LCMT1: variants seen among roughly 807,000 people sequenced by gnomAD.
The protein encoded by LCMT1 is [Phosphatase 2A protein]-leucine-carboxy methyltransferase 1.
Under a neutral mutation model 47.7 loss-of-function variants are expected in LCMT1, and 32 were observed. The observed-to-expected ratio is 0.67, with a 90% CI of 0.51 to 0.90. The LOEUF is 0.90. Among genes scored for constraint, LCMT1 ranks in the 40% least tolerant of loss-of-function variants. The pLI, the probability that LCMT1 is intolerant of heterozygous loss-of-function variation, is 0.00. For missense variants in LCMT1, 375 were observed against 415.2 expected (o/e 0.90, Z 0.84); for synonymous variants, 152 against 149.7 (o/e 1.02, Z -0.11).
At chr16:25,154,017 T>C (rs114797109) in intron 5 of LCMT1, among the ~76,000 whole-genome samples, 2,849 of 152,172 alleles carry the variant, frequency 0.019, 95 homozygotes, top group African/African-American at 0.064. Flanking sequence ...TTTTATTTTA[T>C]TTTATTTTTT....
chr16:25,146,047 G>C (rs1158922444), intron 4 of LCMT1: 1 of 152,236 alleles, frequency 6.6e-6, no homozygotes, highest in Non-Finnish European at 1.5e-5. Context: ...CAGCAATGGA[G>C]TAGGACATTC....
intron 4 of LCMT1, 78 bp from the exon 5 acceptor site, chr16:25,151,476 T>C (rs1961077987): frequency 8.3e-7 from 1 of 1,211,880 alleles, no homozygotes; most frequent in African/African-American, 1.5e-5. Flanking sequence ...AGTGTCTGCA[T>C]TTGTGCAGTA....
intron 1 of LCMT1, among the ~76,000 whole-genome samples, chr16:25,120,741 TTTTTTTTTTTG>T (rs1959953179): frequency 1.4e-5 from 2 of 145,298 alleles, no homozygotes; most frequent in African/African-American, 5.3e-5. Context: ...GTTTTTTTGT[TTTTTTTTTTTG>T]TTTTTTTTTT....
chr16:25,153,418 G>T (rs1961138402), intron 5 of LCMT1, among the ~76,000 whole-genome samples: 1 of 152,236 alleles, frequency 6.6e-6, no homozygotes, highest in Non-Finnish European at 1.5e-5. Flanking sequence ...AGGTAGAAAG[G>T]CAAGAGAGCA....
chr16:25,178,000 G>A lies in LCMT1; in HGVS notation c.983-1G>A, dbSNP rs754674246. ...TGGTGTCTGTGTGTCTCTCCCCTCA[G>A]GGCTGAAGGAGATAACTTATTAATC... On this transcript the variant is annotated splice_acceptor_variant, in intron 10 of 10. Coordinates refer to ENST00000399069, the MANE Select transcript of LCMT1 (RefSeq NM_016309.3). LOFTEE classifies it high-confidence loss of function. 3.1e-6 allele frequency: 5 copies of A among 1,613,824 alleles called. No homozygotes were observed. The South Asian group carries it at 4.4e-5, about 14-fold the overall frequency.
chr16:25,124,070 C>T (rs961767004), intron 1 of LCMT1, among the ~76,000 whole-genome samples: 2 of 152,154 alleles, frequency 1.3e-5, no homozygotes, highest in Admixed American at 1.3e-4. Context: ...AGTAGCTTTG[C>T]TCCAGGAGGG....
At chr16:25,165,698 G>A (rs983355650) in intron 7 of LCMT1, among the ~76,000 whole-genome samples, 1 of 151,636 alleles carries the variant, frequency 6.6e-6, no homozygotes, top group African/African-American at 2.4e-5. Flanking sequence ...TGTATTTTTA[G>A]TAGAGATGGG....
chr16:25,163,971 T>C (rs1004619602), intron 6 of LCMT1, among the ~76,000 whole-genome samples: 1 of 152,130 alleles, frequency 6.6e-6, no homozygotes, highest in Non-Finnish European at 1.5e-5. Flanking sequence ...CTGCTTGTGG[T>C]TGGGTTTAGC....
At chr16:25,129,497 C>A (rs1030423811) in intron 2 of LCMT1, among the ~76,000 whole-genome samples, 3 of 152,162 alleles carry the variant, frequency 2.0e-5, no homozygotes, top group African/African-American at 7.2e-5. Context: ...GTGTTTGAAG[C>A]CCATTTAAAT....
rs576652471 is a variant in LCMT1 at position 25,161,384 on chromosome 16, T to G, written c.569+180T>G. The stretch of plus-strand genomic sequence containing the variant: ...CTTTTTTTTTTTTTTGAGGTGGAGT[T>G]TTGCTCTTGTTGCCCAGGCTGAGTG... On this transcript the variant is annotated intron_variant, in intron 6 of 10. Transcript: ENST00000399069. 5.9e-5 allele frequency among the ~76,000 whole-genome samples: 9 copies of G among 152,030 alleles called. No homozygotes were observed. In the East Asian group the frequency reaches 1.7e-3, roughly 29 times the overall value.
intron 1 of LCMT1, among the ~76,000 whole-genome samples, chr16:25,117,873 A>T (rs1959848690): frequency 1.3e-5 from 2 of 151,356 alleles, no homozygotes; most frequent in Non-Finnish European, 2.9e-5. Flanking sequence ...AAAAAATTTG[A>T]CATCATCTTG....
intron 4 of LCMT1, chr16:25,142,321 GC>G (rs1960718605): frequency 6.6e-6 from 1 of 152,232 alleles, no homozygotes; most frequent in Non-Finnish European, 1.5e-5. Context: ...TTCAAAGTAG[GC>G]AGTCCAACTT....
chr16:25,132,390 C>G lies in LCMT1; in HGVS notation c.206-12C>G. The G allele has an allele frequency of 6.2e-7, 1 of 1,612,896 alleles. No individual in the cohort carries two copies. Among genetic ancestry groups the G allele is most frequent in the South Asian group, 1.1e-5 (1 of 91,036 alleles). ...GGTGATAGCTTGTTTCTGTGCCTCC[C>G]CTCCCCCCTAGGATATTTTGCTCGA... On this transcript the variant is annotated splice_polypyrimidine_tract_variant and intron_variant, in intron 2 of 10. Transcript: ENST00000399069.
At chr16:25,127,191 T>C (rs1960216210) in intron 1 of LCMT1, among the ~76,000 whole-genome samples, 1 of 152,244 alleles carries the variant, frequency 6.6e-6, no homozygotes, top group Middle Eastern at 3.2e-3. Context: ...CCTTACTATA[T>C]GTAATGCATC....
intron 9 of LCMT1, among the ~76,000 whole-genome samples, chr16:25,173,071 G>C (rs942394743): frequency 6.6e-6 from 1 of 152,230 alleles, no homozygotes. Flanking sequence ...CCAGCTCTGT[G>C]AATGCCACGT....
At chr16:25,147,012 GGTC>G (rs1960879069) in intron 4 of LCMT1, 6 of 152,140 alleles carry the variant, frequency 3.9e-5, no homozygotes, top group African/African-American at 1.2e-4. Context: ...ACTGCATATT[GGTC>G]TTTAGTGACC....
chr16:25,153,567 A>G (rs1303400963), intron 5 of LCMT1, among the ~76,000 whole-genome samples: 1 of 91,038 alleles, frequency 1.1e-5, no homozygotes, highest in Non-Finnish European at 2.2e-5. Flanking sequence ...ACACTGTTGC[A>G]TGGGGGATTA....
At chr16:25,129,719 G>A (rs1960294576) in intron 2 of LCMT1, among the ~76,000 whole-genome samples, 1 of 152,198 alleles carries the variant, frequency 6.6e-6, no homozygotes, top group African/African-American at 2.4e-5. Context: ...TCATCTAGGT[G>A]TCTGGACTAA....
intron 5 of LCMT1, chr16:25,160,648 T>G: frequency 2.2e-6 from 1 of 453,042 alleles, no homozygotes; most frequent in Non-Finnish European, 4.5e-6. Context: ...TGGGGAAAAC[T>G]TAGAAATACC....
Sources: gnomAD v4.1 joint callset for allele counts (sites outside exome capture counted in the v4.1 genomes callset) on GRCh38, gnomAD v4.1.1 for gene constraint, MANE v1.5 for transcripts, NCBI Gene and HGNC (gene_info 2026-07-23, HGNC 2026-07-21) for gene names.